LHFPL2: variants seen among roughly 807,000 people sequenced by gnomAD.
LHFPL2 encodes the protein LHFPL tetraspan subfamily member 2.
In LHFPL2, 7 loss-of-function variants were observed where a neutral mutation model predicts 17.5. The observed-to-expected ratio is 0.40, with a 90% confidence interval of 0.23 to 0.75. The LOEUF (loss-of-function observed/expected upper bound fraction) is 0.75. LHFPL2 is among the 30% of genes least tolerant of loss of function. The probability of loss-of-function intolerance (pLI) is 0.37; values close to 1 mark genes in which losing one functional copy is unlikely to be tolerated. For synonymous variants in LHFPL2, 134 were observed against 116.2 expected (o/e 1.15, Z -0.99); for missense variants, 241 against 294.8 (o/e 0.82, Z 1.34).
At chr5:78,534,854 G>A (rs1580784252) in intron 3 of LHFPL2, among the ~76,000 whole-genome samples, 1 of 152,198 alleles carries the variant, frequency 6.6e-6, no homozygotes, top group African/African-American at 2.4e-5. Flanking sequence ...GTGTGGGAGC[G>A]GGTAGAGGCA....
intron 4 of LHFPL2, among the ~76,000 whole-genome samples, chr5:78,490,026 A>C (rs1754385560): frequency 6.6e-6 from 1 of 152,242 alleles, no homozygotes; most frequent in African/African-American, 2.4e-5. Context: ...TGCTTTAAGT[A>C]AGCCAGATGT....
At chr5:78,494,165 G>C (rs558765616) in intron 4 of LHFPL2, among the ~76,000 whole-genome samples, 1 of 152,300 alleles carries the variant, frequency 6.6e-6, no homozygotes, top group South Asian at 2.1e-4. Flanking sequence ...GTTGTGAAGG[G>C]CAATGGAAGA....
chr5:78,603,174 G>A (rs1744084538), intron 2 of LHFPL2, among the ~76,000 whole-genome samples: 1 of 152,178 alleles, frequency 6.6e-6, no homozygotes, highest in Admixed American at 6.5e-5. Context: ...TTACAGGCAT[G>A]AGCCACCATA....
intron 2 of LHFPL2, among the ~76,000 whole-genome samples, chr5:78,568,334 G>A (rs192243271): frequency 4.2e-4 from 64 of 152,180 alleles, no homozygotes; most frequent in Non-Finnish European, 6.8e-4. Context: ...AAAAGTCTTC[G>A]CTTCCCATTC....
At chr5:78,541,259 T>C (rs762885367) in intron 3 of LHFPL2, among the ~76,000 whole-genome samples, 1 of 152,024 alleles carries the variant, frequency 6.6e-6, no homozygotes, top group Non-Finnish European at 1.5e-5. Context: ...GGTAAGACAT[T>C]TGGGCAACTA....
intron 3 of LHFPL2, among the ~76,000 whole-genome samples, chr5:78,550,224 A>AC (rs2112391337): frequency 6.6e-6 from 1 of 152,326 alleles, no homozygotes; most frequent in African/African-American, 2.4e-5. Flanking sequence ...TCCTTTGAAA[A>AC]GAAAAGGCTC....
intron 3 of LHFPL2, among the ~76,000 whole-genome samples, chr5:78,534,863 CA>C (rs1404718182): frequency 3.3e-5 from 5 of 152,222 alleles, no homozygotes; most frequent in Admixed American, 3.3e-4. Context: ...CGGGTAGAGG[CA>C]GGGGCAAGGC....
intron 3 of LHFPL2, among the ~76,000 whole-genome samples, chr5:78,552,470 G>A (rs910253356): frequency 6.6e-6 from 1 of 152,212 alleles, no homozygotes; most frequent in African/African-American, 2.4e-5. Flanking sequence ...TGGGGGCCAA[G>A]GGCCCCGGCC....
At chr5:78,608,332 A>C (rs999812328) in intron 2 of LHFPL2, among the ~76,000 whole-genome samples, 1 of 152,276 alleles carries the variant, frequency 6.6e-6, no homozygotes, top group African/African-American at 2.4e-5. Context: ...AGCTCTCTTT[A>C]GCAAAGTTTT....
chr5:78,521,810 C>T (rs987624036), intron 3 of LHFPL2, among the ~76,000 whole-genome samples: 9 of 152,208 alleles, frequency 5.9e-5, no homozygotes, highest in African/African-American at 2.2e-4. Context: ...TGCCATTTAG[C>T]AGAGATGGGC....
chr5:78,521,113 G>A (rs1755444326), intron 3 of LHFPL2, among the ~76,000 whole-genome samples: 1 of 152,234 alleles, frequency 6.6e-6, no homozygotes, highest in South Asian at 2.1e-4. Context: ...AAGCTGAAAA[G>A]CCAGCACTAT....
At chr5:78,623,501 C>T (rs2112502825) in intron 2 of LHFPL2, among the ~76,000 whole-genome samples, 1 of 152,316 alleles carries the variant, frequency 6.6e-6, no homozygotes, top group African/African-American at 2.4e-5. Flanking sequence ...TGCATTGAAA[C>T]TATGTCACAT....
At chr5:78,634,604 T>C (rs1344068887) in intron 1 of LHFPL2, among the ~76,000 whole-genome samples, 1 of 152,204 alleles carries the variant, frequency 6.6e-6, no homozygotes, top group Non-Finnish European at 1.5e-5. Flanking sequence ...CTGTGAGCTT[T>C]CCAAGGGGTG....
Position 78,544,453 on chromosome 5 carries a change from CA to C in LHFPL2, c.-186+20359del, listed in dbSNP as rs141208251. ...ACTCCTGAATTGACATAGTAGGGGA[CA>C]GGGGTAGACATAAAAAAAAATCTCT... On this transcript the variant is annotated intron_variant, in intron 3 of 4. Transcript: ENST00000380345. Among the ~76,000 whole-genome samples, 426 of 152,182 alleles carry C rather than the reference CA, an allele frequency of 2.8e-3. 2 individuals carry two copies. The highest frequency in any genetic ancestry group is 9.8e-3 in the African/African-American group (408 of 41,524).
chr5:78,547,384 G>A (rs1376258811), intron 3 of LHFPL2, among the ~76,000 whole-genome samples: 4 of 152,116 alleles, frequency 2.6e-5, no homozygotes, highest in Non-Finnish European at 4.4e-5. Flanking sequence ...CTCCCCAAAA[G>A]CAATGTCCTA....
At chr5:78,526,895 C>T (rs1206257288) in intron 3 of LHFPL2, among the ~76,000 whole-genome samples, 1 of 152,104 alleles carries the variant, frequency 6.6e-6, no homozygotes, top group Non-Finnish European at 1.5e-5. Flanking sequence ...GGAATTTTCA[C>T]AAGATAAAAA....
At chr5:78,559,812 A>C (rs926648872) in intron 3 of LHFPL2, among the ~76,000 whole-genome samples, 1 of 152,252 alleles carries the variant, frequency 6.6e-6, no homozygotes, top group African/African-American at 2.4e-5. Flanking sequence ...GAATTTAAGA[A>C]GATCAGTATC....
chr5:78,566,531 T>G (rs1224507263), intron 2 of LHFPL2, among the ~76,000 whole-genome samples: 2 of 152,266 alleles, frequency 1.3e-5, no homozygotes, highest in East Asian at 3.9e-4. Context: ...TGGCACGATC[T>G]TGGCTCACTG....
intron 3 of LHFPL2, among the ~76,000 whole-genome samples, chr5:78,559,920 C>A (rs1333103680): frequency 6.6e-6 from 1 of 152,194 alleles, no homozygotes; most frequent in Non-Finnish European, 1.5e-5. Flanking sequence ...AAGTATCAAT[C>A]CTGCTTAATT....
Sources: gnomAD v4.1 joint callset for allele counts (sites outside exome capture counted in the v4.1 genomes callset) on GRCh38, gnomAD v4.1.1 for gene constraint, MANE v1.5 for transcripts, NCBI Gene and HGNC (gene_info 2026-07-23, HGNC 2026-07-21) for gene names.